SPG11: variants seen among roughly 807,000 people sequenced by gnomAD.
SPG11 encodes the protein SPG11 vesicle trafficking associated, spatacsin, also known as spatacsin.
SPG11 carries 222 observed loss-of-function variants against 274.0 expected under a neutral mutation model. The ratio of observed to expected loss-of-function variants is 0.81; its 90% CI spans 0.73 to 0.91. The LOEUF (loss-of-function observed/expected upper bound fraction) is 0.91, where lower values mean the gene tolerates loss of function less well. Ranked by LOEUF, SPG11 falls within the 40% of genes least tolerant of loss-of-function variation. SPG11 has a pLI of 0.00. For missense variants in SPG11, 3,114 were observed against 2,872.7 expected (o/e 1.08, Z -1.92); for synonymous variants, 1,144 against 1,039.7 (o/e 1.10, Z -1.93).
rs2085183451 is a variant in SPG11, at chr15:44,663,495, C to T, written c.153G>A (p.Pro51=). The change falls in exon 1 of 40, where the codon CCG becomes CCA. Residue 51 remains proline (P), a synonymous_variant. Transcript: ENST00000261866. ...CAGCCGTCAGGCTCCCCAGAGCCTC[C>T]GGCTGTGTGCGCAGCTGCGCCCGGG... The part of the protein sequence containing the change: ...LGSRAQLRTQ[P]EALGSLTAAG... 3 of 1,593,172 alleles carry T rather than the reference C, an allele frequency of 1.9e-6. No homozygotes were observed. Among genetic ancestry groups the T allele is most frequent in the African/African-American group, 1.3e-5 (1 of 74,486 alleles).
In SPG11 at chr15:44,569,493, T is replaced by TA; in HGVS notation, c.6489_6490insT (p.Thr2164TyrfsTer14). The TA allele has an allele frequency of 6.3e-7, 1 of 1,590,688 alleles. No individual in the cohort carries two copies. The highest frequency in any genetic ancestry group is 8.6e-7 in the Non-Finnish European group (1 of 1,167,504). ...ATCTCGTTGTACCTTCCAATGCCAG[T>TA]GAGGAGCCGTACCTGTGAAGTGGGA... is the stretch of plus-strand genomic sequence containing the variant. On this transcript the variant is annotated frameshift_variant, in exon 35 of 40. Transcript: ENST00000261866. LOFTEE classifies it high-confidence loss of function.
chr15:44,657,766 C>T (rs1330141207), intron 3 of SPG11, among the ~76,000 whole-genome samples: 2 of 152,190 alleles, frequency 1.3e-5, no homozygotes, highest in Admixed American at 6.5e-5. Context: ...TGTATTGAGA[C>T]TTCATAAAAT....
At chr15:44,584,595 G>A in intron 29 of SPG11, 37 bp from the exon 30 acceptor site, 2 of 1,598,606 alleles carry the variant, frequency 1.3e-6, no homozygotes, top group Non-Finnish European at 1.7e-6. Context: ...AGCCTTTCTT[G>A]GATAAAAAAG....
At chr15:44,585,960 G>T in intron 28 of SPG11, 110 bp from the exon 29 acceptor site, 1 of 834,080 alleles carries the variant, frequency 1.2e-6, no homozygotes, top group East Asian at 2.7e-5. Context: ...ATAGTAATGT[G>T]GTTAAAGGAA....
At chr15:44,621,414 T>C (rs1372288676) in intron 14 of SPG11, 1 of 243,534 alleles carries the variant, frequency 4.1e-6, no homozygotes. Context: ...TGTTTACCAC[T>C]GTTAGTTATG....
In SPG11 at chr15:44,652,035, G is replaced by C; in HGVS notation, c.1007+94C>G. 7 of 1,519,740 alleles carry C rather than the reference G, an allele frequency of 4.6e-6. No individual in the cohort carries two copies. In the South Asian group the frequency reaches 8.4e-5, roughly 18 times the overall value. The allele number at this position is 1,519,740 out of a possible 1,614,324, so 94.1% of individuals were successfully genotyped here. A position where few individuals can be genotyped will look rare whatever the true frequency, so the allele number is the denominator to read the frequency against. On this transcript the variant is annotated intron_variant, in intron 5 of 39. Coordinates refer to ENST00000261866, the MANE Select transcript of SPG11 (RefSeq NM_025137.4). ...GCAAAGATGTTCTTAAAAAAAAAAA[G>C]TATCTATCAAATAAAGACCTTTAAT...
chr15:44,584,619 A>G, intron 29 of SPG11, 61 bp from the exon 30 acceptor site: 1 of 1,570,958 alleles, frequency 6.4e-7, no homozygotes, highest in Non-Finnish European at 8.6e-7. Context: ...CATAAATGCT[A>G]ATGTTCCCTA....
intron 19 of SPG11, 58 bp from the exon 20 acceptor site, chr15:44,606,149 A>C: frequency 6.7e-7 from 1 of 1,502,266 alleles, no homozygotes; most frequent in Non-Finnish European, 9.2e-7. Flanking sequence ...AAATAGGTAA[A>C]AAAAATTATA....
intron 4 of SPG11, among the ~76,000 whole-genome samples, chr15:44,653,183 A>AG (rs1410613917): frequency 2.6e-5 from 4 of 152,124 alleles, no homozygotes; most frequent in Admixed American, 6.6e-5. Flanking sequence ...CTTTTATCTG[A>AG]GGGGGAAAAG....
Position 44,596,435 on chromosome 15 carries a change from G to A in SPG11, c.4162-80C>T, listed in dbSNP as rs2083041314. On this transcript the variant is annotated intron_variant, in intron 24 of 39. Coordinates refer to ENST00000261866, the MANE Select transcript of SPG11 (RefSeq NM_025137.4). The stretch of plus-strand genomic sequence containing the variant: ...GCTGAAAATGTTAGAGAAAAGCATA[G>A]ACAAAATTATGCTTTCTCACCCTGA... The A allele has an allele frequency of 3.3e-6, 5 of 1,507,950 alleles. No homozygotes were observed. In the South Asian group the frequency reaches 5.7e-5, roughly 17 times the overall value. The allele number at this position is 1,507,950 out of a possible 1,614,324, so 93.4% of individuals were successfully genotyped here. A position where few individuals can be genotyped will look rare whatever the true frequency, so the allele number is the denominator to read the frequency against.
intron 2 of SPG11, 38 bp downstream of exon 2, chr15:44,660,394 A>T: frequency 6.3e-7 from 1 of 1,592,342 alleles, no homozygotes; most frequent in East Asian, 2.2e-5. Context: ...TAATGTCACA[A>T]ATTTAAATAT....
Position 44,589,377 on chromosome 15 carries a change from G to A in SPG11, c.4781C>T (p.Pro1594Leu). 3 of 1,614,154 alleles carry A rather than the reference G, an allele frequency of 1.9e-6. No homozygotes were observed. Among genetic ancestry groups the A allele is most frequent in the Non-Finnish European group, 2.5e-6 (3 of 1,179,962 alleles). Residue 1594 changes from proline (P) to leucine (L), a missense_variant, in exon 28 of 40, where the codon CCT becomes CTT. Pro to Leu is a moderately conservative substitution (Grantham distance 98). Transcript: ENST00000261866. ...CACCTGATCCTCCAGCCACATGGCAGGGATGACAGGGTGGACCTTTGTGGC... is the reference window on the plus strand; with the variant it reads ...CACCTGATCCTCCAGCCACATGGCAAGGATGACAGGGTGGACCTTTGTGGC... ...TAATKVHPVI[P>L]AMWLEDQVCF... is the part of the protein sequence containing the mutation.
chr15:44,589,829 G>A (rs12594967), intron 27 of SPG11, among the ~76,000 whole-genome samples: 2,485 of 152,218 alleles, frequency 0.016, 61 homozygotes, highest in East Asian at 0.097. Flanking sequence ...TTTTTGAGAC[G>A]CAGTCTCACT....
At chr15:44,564,791 T>A in intron 38 of SPG11, 93 bp from the exon 39 acceptor site, 1 of 1,342,712 alleles carries the variant, frequency 7.4e-7, no homozygotes, top group Non-Finnish European at 1.1e-6. Context: ...GTATACTCAC[T>A]CATGTAGTGA....
Position 44,659,140 on chromosome 15 carries a change from C to G in SPG11, c.606G>C (p.Met202Ile), listed in dbSNP as rs1555383185. Reference protein sequence around the residue: ...TLPLPAQAVDMIIDTQLCRGI... With the variant: ...TLPLPAQAVDIIIDTQLCRGI... ...CTCTGCAGAGCTGCGTGTCAATAATCATGTCCACTGCCTGTGCAGGCAAGG... is the reference window on the plus strand; with the variant it reads ...CTCTGCAGAGCTGCGTGTCAATAATGATGTCCACTGCCTGTGCAGGCAAGG... The change falls in exon 3 of 40, where the codon ATG becomes ATC. Residue 202 changes from methionine (M) to isoleucine (I), a missense_variant. Met to Ile is a conservative substitution (Grantham distance 10, BLOSUM62 1). Coordinates refer to ENST00000261866, the MANE Select transcript of SPG11 (RefSeq NM_025137.4). The G allele has an allele frequency of 1.2e-6, 2 of 1,614,202 alleles. No individual in the cohort carries two copies. The highest frequency in any genetic ancestry group is 1.7e-6 in the Non-Finnish European group (2 of 1,180,046).
chr15:44,623,686 G>A (rs1483250007), intron 11 of SPG11, among the ~76,000 whole-genome samples: 3 of 152,198 alleles, frequency 2.0e-5, no homozygotes, highest in African/African-American at 4.8e-5. Flanking sequence ...GCTTCGACAA[G>A]TGTGAAGTCT....
intron 11 of SPG11, among the ~76,000 whole-genome samples, chr15:44,625,568 G>C (rs750537946): frequency 4.6e-5 from 7 of 152,156 alleles, no homozygotes; most frequent in Non-Finnish European, 7.3e-5. Flanking sequence ...TGCCATGACT[G>C]TAAGTTTCCT....
At chr15:44,652,757 C>T (rs567953404) in intron 4 of SPG11, among the ~76,000 whole-genome samples, 43 of 151,734 alleles carry the variant, frequency 2.8e-4, no homozygotes, top group Non-Finnish European at 4.1e-4. Flanking sequence ...TGGGTTCAAG[C>T]GATTCTCCTG....
intron 8 of SPG11, among the ~76,000 whole-genome samples, chr15:44,629,980 A>G (rs2084011718): frequency 6.6e-6 from 1 of 152,176 alleles, no homozygotes; most frequent in South Asian, 2.1e-4. Flanking sequence ...CTGAGGCAGA[A>G]GAATTGCTTG....
Sources: gnomAD v4.1 joint callset for allele counts (sites outside exome capture counted in the v4.1 genomes callset) on GRCh38, gnomAD v4.1.1 for gene constraint, MANE v1.5 for transcripts, NCBI Gene and HGNC (gene_info 2026-07-23, HGNC 2026-07-21) for gene names.